The following SNX29 variants were observed in gnomAD, a reference collection of about 807,000 sequenced individuals.
SNX29 encodes sorting nexin 29.
In SNX29, 78 loss-of-function variants were observed where a neutral mutation model predicts 102.1. The ratio of observed to expected loss-of-function variants is 0.76; its 90% CI spans 0.64 to 0.92. SNX29 has a LOEUF of 0.92. Ranked by LOEUF, SNX29 falls within the 40% of genes least tolerant of loss-of-function variation. The probability of loss-of-function intolerance (pLI) is 0.00; values close to 1 mark genes in which losing one functional copy is unlikely to be tolerated. For missense variants in SNX29, 1,280 were observed against 1,061.7 expected (o/e 1.21, Z -2.86); for synonymous variants, 580 against 414.5 (o/e 1.40, Z -4.85).
intron 14 of SNX29, among the ~76,000 whole-genome samples, chr16:12,235,850 A>G (rs1185756966): frequency 6.6e-6 from 1 of 151,758 alleles, no homozygotes; most frequent in African/African-American, 2.4e-5. Context: ...AGATTCTGAC[A>G]TAAAAATCAC....
intron 20 of SNX29, among the ~76,000 whole-genome samples, chr16:12,539,657 G>C (rs57614335): frequency 6.6e-6 from 1 of 152,084 alleles, no homozygotes; most frequent in African/African-American, 2.4e-5. Context: ...TTCCCACAGC[G>C]TATGAGGGGC....
At chr16:12,469,329 G>A (rs2087225628) in intron 18 of SNX29, among the ~76,000 whole-genome samples, 1 of 152,192 alleles carries the variant, frequency 6.6e-6, no homozygotes, top group Admixed American at 6.5e-5. Context: ...TAGCAGTGAG[G>A]ACACTTATAG....
intron 16 of SNX29, among the ~76,000 whole-genome samples, chr16:12,361,906 T>G (rs957962872): frequency 6.6e-6 from 1 of 151,194 alleles, no homozygotes; most frequent in Admixed American, 6.6e-5. Context: ...AGTCTTGGGT[T>G]TCTCTTTCTA....
intron 7 of SNX29, among the ~76,000 whole-genome samples, chr16:12,051,332 T>TTA (rs2050291430): frequency 7.2e-6 from 1 of 138,202 alleles, no homozygotes; most frequent in Non-Finnish European, 1.5e-5. Flanking sequence ...CCCCAACTCT[T>TTA]AAAAAAAAAA....
In SNX29 at chr16:12,366,457, A is replaced by AGAGCCTGCCTTATCTCAT. The variant is rs1265464343; in HGVS notation, c.1899+10188_1899+10205dup. Among the ~76,000 whole-genome samples, 10 of 152,230 alleles carry AGAGCCTGCCTTATCTCAT rather than the reference A, an allele frequency of 6.6e-5. No homozygotes were observed. In the East Asian group the frequency reaches 1.9e-3, roughly 29 times the overall value. Reference sequence around the variant, plus strand: ...TGTACTAGCTAGCAGGGAGCTCATCAGAGCCTGCCTTATCTCATGAGCCTG... The same window carrying AGAGCCTGCCTTATCTCAT: ...TGTACTAGCTAGCAGGGAGCTCATCAGAGCCTGCCTTATCTCATGAGCCTGCCTTATCTCATGAGCCTG... On this transcript the variant is annotated intron_variant, in intron 16 of 20. Coordinates refer to ENST00000566228, the MANE Select transcript of SNX29 (RefSeq NM_032167.5).
At chr16:12,002,876 A>G in intron 2 of SNX29, 115 bp from the exon 3 acceptor site, 1 of 1,151,006 alleles carries the variant, frequency 8.7e-7, no homozygotes, top group Non-Finnish European at 1.3e-6. Flanking sequence ...CTTGGCATGC[A>G]GAGCTTCTGG....
At chr16:12,126,414 G>A (rs565859600) in intron 11 of SNX29, among the ~76,000 whole-genome samples, 5 of 152,360 alleles carry the variant, frequency 3.3e-5, no homozygotes, top group Admixed American at 6.5e-5. Context: ...AGCTGCAGAG[G>A]CAGGATTTGA....
chr16:12,035,514 C>T (rs922655756), intron 4 of SNX29, among the ~76,000 whole-genome samples: 1 of 152,146 alleles, frequency 6.6e-6, no homozygotes, highest in East Asian at 1.9e-4. Context: ...GAGCTCAGCC[C>T]CTTGTTGGCA....
At chr16:12,208,724 C>T (rs1345770993) in intron 14 of SNX29, among the ~76,000 whole-genome samples, 1 of 152,020 alleles carries the variant, frequency 6.6e-6, no homozygotes, top group Non-Finnish European at 1.5e-5. Flanking sequence ...GCCTGTAGTC[C>T]CAGCTCTTTG....
At chr16:12,345,979 C>T (rs1267009526) in intron 15 of SNX29, among the ~76,000 whole-genome samples, 1 of 152,146 alleles carries the variant, frequency 6.6e-6, no homozygotes, top group Non-Finnish European at 1.5e-5. Flanking sequence ...CAGCAGCCAC[C>T]AACCCAAGCC....
At chr16:12,568,140 C>A (rs145888890) in intron 20 of SNX29, among the ~76,000 whole-genome samples, 2 of 152,212 alleles carry the variant, frequency 1.3e-5, no homozygotes, top group East Asian at 3.9e-4. Context: ...TCCAAAGTTG[C>A]CTTGGACTTA....
chr16:12,571,945 G>T lies in SNX29; in HGVS notation c.*3316G>T, dbSNP rs960638440. ...CCTGGTGAAGGAAGACACTTTCAGGGAAGAGGCTCTTACAGTCTATGGTGG... is the reference window on the plus strand; with the variant it reads ...CCTGGTGAAGGAAGACACTTTCAGGTAAGAGGCTCTTACAGTCTATGGTGG... On this transcript the variant is annotated 3_prime_UTR_variant, in exon 21 of 21. Transcript: ENST00000566228. 1.3e-4 allele frequency: 136 copies of T among 1,062,014 alleles called. 1 individual carries two copies. In the African/African-American group the frequency reaches 2.0e-3, roughly 16 times the overall value. The allele number at this position is 1,062,014 out of a possible 1,614,324, so 65.8% of individuals were successfully genotyped here. A position where few individuals can be genotyped will look rare whatever the true frequency, so the allele number is the denominator to read the frequency against.
At chr16:12,461,992 T>A (rs1185465518) in intron 18 of SNX29, among the ~76,000 whole-genome samples, 3 of 63,052 alleles carry the variant, frequency 4.8e-5, no homozygotes, top group African/African-American at 8.9e-5. Context: ...TATATATATA[T>A]ATATATATAT....
rs867494732 is a variant in SNX29 at position 12,117,090 on chromosome 16, G to T, written c.1403-9543G>T. On this transcript the variant is annotated intron_variant, in intron 11 of 20. Coordinates refer to ENST00000566228, the MANE Select transcript of SNX29 (RefSeq NM_032167.5). ...CGGACGAACCATGGAAACAGGCGTG[G>T]TCAATACGTGCTTCAGTGCGGACGA... Among the ~76,000 whole-genome samples, 200 of 125,008 alleles carry T rather than the reference G, an allele frequency of 1.6e-3. 1 individual carries two copies. The highest frequency in any genetic ancestry group is 9.2e-3 in the Middle Eastern group (2 of 218). The allele number at this position is 125,008 out of a possible 152,430, so 82.0% of individuals were successfully genotyped here. A position where few individuals can be genotyped will look rare whatever the true frequency, so the allele number is the denominator to read the frequency against.
chr16:12,563,291 G>T (rs1045347707), intron 20 of SNX29, among the ~76,000 whole-genome samples: 1 of 152,098 alleles, frequency 6.6e-6, no homozygotes, highest in Non-Finnish European at 1.5e-5. Flanking sequence ...TGGATCCACA[G>T]CTCGGAAAGT....
intron 19 of SNX29, among the ~76,000 whole-genome samples, chr16:12,523,728 G>A (rs1368101951): frequency 6.6e-6 from 1 of 152,200 alleles, no homozygotes; most frequent in African/African-American, 2.4e-5. Context: ...GGTGGGGTCT[G>A]TAGGATGAGT....
intron 16 of SNX29, chr16:12,372,641 A>T (rs1422271823): frequency 6.6e-6 from 1 of 152,222 alleles, no homozygotes; most frequent in Non-Finnish European, 1.5e-5. Flanking sequence ...GGTATCAAGT[A>T]TAATGATGGC....
chr16:11,999,313 C>T lies in SNX29; in HGVS notation c.24C>T (p.Asp8=). The part of the protein sequence containing the change: MSGSQNN[D]KRQFLLERLL... Reference sequence around the variant, plus strand: ...GCATTTTAGGATCACAGAACAATGACAAAAGACAATTTCTGCTGGAGCGAC... The same window carrying T: ...GCATTTTAGGATCACAGAACAATGATAAAAGACAATTTCTGCTGGAGCGAC... The change falls in exon 2 of 21, where the codon GAC becomes GAT. Residue 8 remains aspartate, a synonymous_variant. Transcript: ENST00000566228. 6.2e-7 allele frequency: 1 copy of T among 1,614,016 alleles called. No individual in the cohort carries two copies. Among genetic ancestry groups the T allele is most frequent in the Non-Finnish European group, 8.5e-7 (1 of 1,179,946 alleles).
chr16:12,406,792 C>T (rs1249051396), intron 18 of SNX29, among the ~76,000 whole-genome samples: 1 of 152,136 alleles, frequency 6.6e-6, no homozygotes, highest in Non-Finnish European at 1.5e-5. Flanking sequence ...GCCTGTAATC[C>T]CAGCTACTTG....
Sources: allele counts gnomAD v4.1 joint callset (sites outside exome capture counted in the v4.1 genomes callset), GRCh38; gene constraint gnomAD v4.1.1; transcripts MANE v1.5; gene names NCBI Gene and HGNC (gene_info 2026-07-23, HGNC 2026-07-21).